Variants in LNX2 observed in about 807,000 individuals in gnomAD.
The protein encoded by LNX2 is ligand of numb-protein X 2.
Under a neutral mutation model 66.2 loss-of-function variants are expected in LNX2, and 35 were observed. The observed-to-expected ratio is 0.53, with a 90% CI of 0.40 to 0.70. The LOEUF is 0.70. Among genes scored for constraint, LNX2 ranks in the 30% least tolerant of loss-of-function variants. The pLI, the probability that LNX2 is intolerant of heterozygous loss-of-function variation, is 0.00. For missense variants in LNX2, 791 were observed against 850.8 expected, an observed-to-expected ratio of 0.93 and a Z score of 0.87; for synonymous variants, 337 against 315.6, an observed-to-expected ratio of 1.07 and a Z score of -0.72.
chr13:27,567,592 A>C lies in LNX2; in HGVS notation c.855+48T>G, dbSNP rs1166895160. 2.6e-6 allele frequency: 4 copies of C among 1,526,124 alleles called. No individual in the cohort carries two copies. In the Admixed American group the frequency reaches 6.7e-5, roughly 26 times the overall value. The allele number at this position is 1,526,124 out of a possible 1,614,324, so 94.5% of individuals were successfully genotyped here. A position where few individuals can be genotyped will look rare whatever the true frequency, so the allele number is the denominator to read the frequency against. On this transcript the variant is annotated intron_variant, in intron 4 of 9. Coordinates refer to ENST00000316334, the MANE Select transcript of LNX2 (RefSeq NM_153371.4). ...ACAATTTTCTAAGGTTTAAGTGTTA[A>C]GAATGGAACAAAAAGGCACAAGTTA...
At chr13:27,604,917 C>T (rs1047832040) in intron 1 of LNX2, among the ~76,000 whole-genome samples, 7 of 147,154 alleles carry the variant, frequency 4.8e-5, no homozygotes, top group Admixed American at 2.7e-4. Context: ...GGGGGAAAAA[C>T]AGACCTTTTC....
At chr13:27,594,801 G>A (rs75735978) in intron 1 of LNX2, among the ~76,000 whole-genome samples, 13,442 of 151,996 alleles carry the variant, frequency 0.088, 657 homozygotes, top group Middle Eastern at 0.11. Context: ...TAGGCACCAA[G>A]TTCCCCTCGA....
At chr13:27,555,367 A>G (rs1474525757) in intron 7 of LNX2, among the ~76,000 whole-genome samples, 1 of 152,192 alleles carries the variant, frequency 6.6e-6, no homozygotes. Flanking sequence ...AGTTGTAAGA[A>G]TATATATTCT....
At chr13:27,558,842 A>T (rs1955094941) in intron 6 of LNX2, among the ~76,000 whole-genome samples, 1 of 152,160 alleles carries the variant, frequency 6.6e-6, no homozygotes, top group Non-Finnish European at 1.5e-5. Context: ...TCAGAAAACC[A>T]TATAAACCCA....
chr13:27,594,930 T>C (rs566062731), intron 1 of LNX2, among the ~76,000 whole-genome samples: 5 of 152,310 alleles, frequency 3.3e-5, no homozygotes, highest in African/African-American at 1.2e-4. Context: ...CTGTCCTACC[T>C]TCCGTCACAA....
chr13:27,576,562 C>CAAAA (rs35339735), intron 2 of LNX2, among the ~76,000 whole-genome samples: 1 of 141,202 alleles, frequency 7.1e-6, no homozygotes, highest in Non-Finnish European at 1.6e-5. Flanking sequence ...ACTAAAAGCA[C>CAAAA]AAAAAAAAAA....
chr13:27,563,477 C>T (rs1221835003), intron 4 of LNX2, among the ~76,000 whole-genome samples: 1 of 152,114 alleles, frequency 6.6e-6, no homozygotes, highest in East Asian at 1.9e-4. Context: ...TTATTCAATA[C>T]TCATATAACA....
chr13:27,606,335 T>C (rs1355848518), intron 1 of LNX2, among the ~76,000 whole-genome samples: 1 of 149,406 alleles, frequency 6.7e-6, no homozygotes, highest in African/African-American at 2.5e-5. Context: ...GTGTTCAGCA[T>C]TCCCTTGAAA....
intron 1 of LNX2, among the ~76,000 whole-genome samples, chr13:27,614,946 T>C (rs1955810971): frequency 6.6e-6 from 1 of 152,010 alleles, no homozygotes; most frequent in Non-Finnish European, 1.5e-5. Context: ...TGTTTTTTTC[T>C]ATTCTCTTAT....
chr13:27,558,095 T>C (rs1955085369), intron 6 of LNX2, among the ~76,000 whole-genome samples: 1 of 151,260 alleles, frequency 6.6e-6, no homozygotes, highest in Non-Finnish European at 1.5e-5. Context: ...TGAATGTTTA[T>C]CAGAACAGCT....
intron 7 of LNX2, among the ~76,000 whole-genome samples, chr13:27,555,345 C>T (rs1194006282): frequency 1.3e-5 from 2 of 152,080 alleles, no homozygotes; most frequent in African/African-American, 4.8e-5. Flanking sequence ...TGTTTTCTGT[C>T]TTTTTAATTA....
At chr13:27,585,938 C>G (rs1176309935) in intron 1 of LNX2, among the ~76,000 whole-genome samples, 1 of 150,076 alleles carries the variant, frequency 6.7e-6, no homozygotes, top group Non-Finnish European at 1.5e-5. Flanking sequence ...TTAACATGTT[C>G]CCATTTAGTA....
At chr13:27,583,218 G>GCCCTCTCCTATATAAC (rs1415107261) in intron 1 of LNX2, among the ~76,000 whole-genome samples, 1 of 18,490 alleles carries the variant, frequency 5.4e-5, no homozygotes, top group Non-Finnish European at 8.8e-5. Context: ...GTGTGTGTGT[G>GCCCTCTCCTATATAAC]TGTGTGTGTG....
At chr13:27,561,664 T>C (rs932644945) in intron 5 of LNX2, among the ~76,000 whole-genome samples, 6 of 152,250 alleles carry the variant, frequency 3.9e-5, no homozygotes, top group African/African-American at 1.4e-4. Context: ...CGGCCTACCC[T>C]ACTTCCTGAT....
chr13:27,617,927 T>A (rs182863802), intron 1 of LNX2, among the ~76,000 whole-genome samples: 19 of 152,338 alleles, frequency 1.2e-4, no homozygotes, highest in African/African-American at 4.3e-4. Context: ...ACAACTAATA[T>A]TTACTGAGCA....
intron 1 of LNX2, among the ~76,000 whole-genome samples, chr13:27,591,238 G>C (rs1017578343): frequency 2.6e-5 from 4 of 152,108 alleles, no homozygotes; most frequent in African/African-American, 9.7e-5. Context: ...AAACTTAAAA[G>C]AAAGAAAATA....
chr13:27,595,897 C>T (rs1410902594), intron 1 of LNX2, among the ~76,000 whole-genome samples: 1 of 152,180 alleles, frequency 6.6e-6, no homozygotes, highest in Admixed American at 6.5e-5. Flanking sequence ...AGAGCTGTTG[C>T]TGCTAATCTG....
chr13:27,614,396 A>G (rs1955805384), intron 1 of LNX2, among the ~76,000 whole-genome samples: 1 of 152,130 alleles, frequency 6.6e-6, no homozygotes, highest in South Asian at 2.1e-4. Flanking sequence ...CCTCACCCAG[A>G]AGCCACTCAG....
chr13:27,583,213 T>C (rs868308983), intron 1 of LNX2, among the ~76,000 whole-genome samples: 3,872 of 22,120 alleles, frequency 0.18, 376 homozygotes, highest in African/African-American at 0.3. Context: ...TGTGTGTGTG[T>C]GTGTGTGTGT....
Sources: allele counts gnomAD v4.1 joint callset (sites outside exome capture counted in the v4.1 genomes callset), GRCh38; gene constraint gnomAD v4.1.1; transcripts MANE v1.5; gene names NCBI Gene and HGNC (gene_info 2026-07-23, HGNC 2026-07-21).